Variants in CAST observed in about 807,000 individuals in gnomAD.
The protein encoded by CAST is MIR583 host.
In CAST, 76 loss-of-function variants were observed where a neutral mutation model predicts 119.6. The observed-to-expected ratio is 0.64, with a 90% CI of 0.53 to 0.77. The LOEUF is 0.77. Among genes scored for constraint, CAST ranks in the 30% least tolerant of loss-of-function variants. The pLI, the probability that CAST is intolerant of heterozygous loss-of-function variation, is 0.00. For synonymous variants in CAST, 319 were observed against 331.6 expected, an observed-to-expected ratio of 0.96 and a Z score of 0.41; for missense variants, 953 against 946.5, an observed-to-expected ratio of 1.01 and a Z score of -0.09.
chr5:96,532,859 T>C (rs1204749833), intron 1 of CAST, among the ~76,000 whole-genome samples: 1 of 151,166 alleles, frequency 6.6e-6, no homozygotes, highest in Non-Finnish European at 1.5e-5. Flanking sequence ...CAAAAAAAAA[T>C]TGTTTTTAAT....
intron 1 of CAST, among the ~76,000 whole-genome samples, chr5:96,652,300 G>A (rs1748105130): frequency 6.6e-6 from 1 of 152,166 alleles, no homozygotes; most frequent in African/African-American, 2.4e-5. Flanking sequence ...CCTACATGGA[G>A]TCTATAATTA....
the CAST span, among the ~76,000 whole-genome samples, chr5:96,518,499 C>T: frequency 6.6e-6 from 1 of 152,164 alleles, no homozygotes; most frequent in Non-Finnish European, 1.5e-5. Flanking sequence ...GATGAATTGA[C>T]TCAAGGGTGG....
chr5:96,144,513 G>C, the CAST span, among the ~76,000 whole-genome samples: 1 of 152,168 alleles, frequency 6.6e-6, no homozygotes, highest in Non-Finnish European at 1.5e-5. Context: ...TTTTAGTTGA[G>C]AAAGCACCTT....
chr5:96,128,402 G>A, the CAST span, among the ~76,000 whole-genome samples: 1 of 152,024 alleles, frequency 6.6e-6, no homozygotes, highest in Non-Finnish European at 1.5e-5. Flanking sequence ...TTTGCTTAGA[G>A]CACTCACCTT....
the CAST span, among the ~76,000 whole-genome samples, chr5:96,396,561 CAAAA>C: frequency 1.4e-4 from 17 of 122,456 alleles, no homozygotes; most frequent in African/African-American, 4.5e-4. Context: ...GACTCCGTCT[CAAAA>C]AAAAAAAAAA....
the CAST span, among the ~76,000 whole-genome samples, chr5:96,087,225 G>C: frequency 1.3e-5 from 2 of 152,110 alleles, no homozygotes; most frequent in Non-Finnish European, 2.9e-5. Context: ...TTATGCATTG[G>C]GTTATTTCAT....
intron 1 of CAST, among the ~76,000 whole-genome samples, chr5:96,555,519 T>A (rs1261554719): frequency 1.3e-5 from 2 of 152,112 alleles, no homozygotes; most frequent in Non-Finnish European, 2.9e-5. Context: ...ATCGGGTCAC[T>A]CCCACCCTAA....
the CAST span, among the ~76,000 whole-genome samples, chr5:96,212,309 A>C: frequency 6.6e-6 from 1 of 152,214 alleles, no homozygotes; most frequent in East Asian, 1.9e-4. Context: ...GTGTCCCACA[A>C]ATTTTTATAT....
chr5:96,267,579 A>G, the CAST span, among the ~76,000 whole-genome samples: 1 of 152,230 alleles, frequency 6.6e-6, no homozygotes, highest in African/African-American at 2.4e-5. Flanking sequence ...CAGCAAAGCT[A>G]TCCTTCAAAT....
the CAST span, among the ~76,000 whole-genome samples, chr5:96,369,107 G>T: frequency 6.6e-6 from 1 of 150,378 alleles, no homozygotes; most frequent in African/African-American, 2.4e-5. Flanking sequence ...TTACTATTTG[G>T]ATGTTGACCT....
the CAST span, among the ~76,000 whole-genome samples, chr5:96,264,087 C>G: frequency 6.6e-6 from 1 of 152,182 alleles, no homozygotes. Context: ...AATTAGCTTT[C>G]ATACATATCA....
the CAST span, among the ~76,000 whole-genome samples, chr5:96,042,689 G>C: frequency 6.6e-6 from 1 of 152,158 alleles, no homozygotes; most frequent in Non-Finnish European, 1.5e-5. Context: ...GTGGCTAAGA[G>C]TATGAGTTCT....
chr5:96,625,114 G>T (rs1030821362), intron 1 of CAST, among the ~76,000 whole-genome samples: 7 of 152,146 alleles, frequency 4.6e-5, no homozygotes, highest in African/African-American at 1.7e-4. Context: ...CCATAATTCT[G>T]TGAGCAGCAA....
intron 2 of CAST, among the ~76,000 whole-genome samples, chr5:96,684,608 G>T (rs1375076188): frequency 6.6e-6 from 1 of 151,630 alleles, no homozygotes; most frequent in African/African-American, 2.4e-5. Flanking sequence ...TGTTGCCCAG[G>T]CTGGAGTGCA....
At chr5:96,530,045 C>G (rs1440933338) in intron 1 of CAST, among the ~76,000 whole-genome samples, 2 of 152,188 alleles carry the variant, frequency 1.3e-5, no homozygotes, top group African/African-American at 4.8e-5. Context: ...TATGACCAAA[C>G]AGTTCCTACC....
At chr5:96,556,583 T>G (rs1746245328) in intron 1 of CAST, among the ~76,000 whole-genome samples, 1 of 152,198 alleles carries the variant, frequency 6.6e-6, no homozygotes, top group Non-Finnish European at 1.5e-5. Flanking sequence ...GGTAGCCTAT[T>G]TGATCAACTG....
chr5:96,577,018 G>C (rs532113576), intron 1 of CAST, among the ~76,000 whole-genome samples: 12 of 152,140 alleles, frequency 7.9e-5, no homozygotes, highest in Admixed American at 3.3e-4. Flanking sequence ...AGTGTGTGTC[G>C]TTCCCCTTCC....
At chr5:96,412,752 G>GTTTTTTTTTTGTTGTT in the CAST span, among the ~76,000 whole-genome samples, 77 of 71,798 alleles carry the variant, frequency 1.1e-3, 1 homozygote, top group African/African-American at 6.5e-3. Flanking sequence ...CAGCTGTGAT[G>GTTTTTTTTTTGTTGTT]TTTTTTTTTT....
At chr5:96,366,835 G>A in the CAST span, among the ~76,000 whole-genome samples, 2 of 152,194 alleles carry the variant, frequency 1.3e-5, no homozygotes, top group Non-Finnish European at 2.9e-5. Flanking sequence ...ACATGTCAAA[G>A]TCATTCTCCA....
Sources: gnomAD v4.1 joint callset for allele counts (sites outside exome capture counted in the v4.1 genomes callset) on GRCh38, gnomAD v4.1.1 for gene constraint, MANE v1.5 for transcripts, NCBI Gene and HGNC (gene_info 2026-07-23, HGNC 2026-07-21) for gene names.